The following NHLH1 variants were observed in gnomAD, a reference collection of about 807,000 sequenced individuals.
NHLH1 encodes helix-loop-helix protein 1.
A neutral mutation model predicts 6.7 loss-of-function variants in NHLH1; 3 were observed. That is an observed-to-expected ratio of 0.44 (90% CI 0.20 to 1.15). NHLH1 has a LOEUF of 1.15. NHLH1 is among the 50% of genes most tolerant of loss of function. The pLI, the probability that NHLH1 is intolerant of heterozygous loss-of-function variation, is 0.26. For missense variants in NHLH1, 177 were observed against 189.5 expected (o/e 0.93, Z 0.39); for synonymous variants, 92 against 84.2 (o/e 1.09, Z -0.51).
chr1:160,371,209 TC>T lies in NHLH1; in HGVS notation c.*80del. On this transcript the variant is annotated 3_prime_UTR_variant, in exon 2 of 2. Transcript: ENST00000302101. ...CTCACTGCTTAGAAAGGCCGCATCC[TC>T]CCCGAGCCCTTATACCTTGGCATGG... is the stretch of plus-strand genomic sequence containing the variant. 1 of 1,522,002 alleles carries T rather than the reference TC, an allele frequency of 6.6e-7. No individual in the cohort carries two copies. The highest frequency in any genetic ancestry group is 1.4e-5 in the African/African-American group (1 of 71,140). The allele number at this position is 1,522,002 out of a possible 1,614,324, so 94.3% of individuals were successfully genotyped here. A position where few individuals can be genotyped will look rare whatever the true frequency, so the allele number is the denominator to read the frequency against.
chr1:160,371,890 G>GAA lies in NHLH1; in HGVS notation c.*767_*768dup, dbSNP rs112378041. ...TTCTCCCTCCCTGTGTGTCACTAGA[G>GAA]AAAAAAAAAAACAAAAACCTAGATT... On this transcript the variant is annotated 3_prime_UTR_variant, in exon 2 of 2. Coordinates refer to ENST00000302101, the MANE Select transcript of NHLH1 (RefSeq NM_005598.4). The GAA allele has an allele frequency of 1.2e-4, 18 of 152,388 alleles. No individual in the cohort carries two copies. The highest frequency in any genetic ancestry group is 1.0e-4 in the African/African-American group (4 of 38,700). The allele number at this position is 152,388 out of a possible 1,614,324, so 9.4% of individuals were successfully genotyped here.
In NHLH1 at chr1:160,370,581, G is replaced by C; in HGVS notation, c.-151G>C. On this transcript the variant is annotated 5_prime_UTR_variant, in exon 2 of 2. An upstream start codon of the reference 5' UTR is lost. Transcript: ENST00000302101. ...GGCTTCAGACTGGCACCCTGACCAT[G>C]GAACCCTGAAGTGGCAGTGACTTCT... 1.5e-6 allele frequency: 1 copy of C among 677,540 alleles called. No homozygotes were observed. Among genetic ancestry groups the C allele is most frequent in the Non-Finnish European group, 2.5e-6 (1 of 397,462 alleles). The allele number at this position is 677,540 out of a possible 1,614,324, so 42.0% of individuals were successfully genotyped here. A position where few individuals can be genotyped will look rare whatever the true frequency, so the allele number is the denominator to read the frequency against.
chr1:160,369,830 A>C (rs930678317), intron 1 of NHLH1, among the ~76,000 whole-genome samples: 1 of 152,202 alleles, frequency 6.6e-6, no homozygotes, highest in African/African-American at 2.4e-5. Flanking sequence ...ATTTTGTTAC[A>C]TGCATAGATT....
chr1:160,370,098 G>A (rs539049270), intron 1 of NHLH1, among the ~76,000 whole-genome samples: 29 of 152,050 alleles, frequency 1.9e-4, no homozygotes, highest in African/African-American at 6.0e-4. Context: ...GATTATGTTC[G>A]TCAATAAATT....
Position 160,370,843 on chromosome 1 carries a change from G to C in NHLH1, c.112G>C (p.Gly38Arg). Residue 38 changes from glycine (G) to arginine (R), a missense_variant, in exon 2 of 2, where the codon GGG becomes CGG. Physicochemically the swap from Gly to Arg is moderately radical, Grantham distance 125. Coordinates refer to ENST00000302101, the MANE Select transcript of NHLH1 (RefSeq NM_005598.4). ...GGCGGGCCCTGATGGTGCCGGGCCT[G>C]GGGGTCCGGGAGGGGGCCAGGCCCG... ...GGAGPDGAGPGGPGGGQARGP... is the reference protein window; with the variant it reads ...GGAGPDGAGPRGPGGGQARGP... 3.1e-6 allele frequency: 5 copies of C among 1,607,084 alleles called. No homozygotes were observed. The highest frequency in any genetic ancestry group is 4.2e-6 in the Non-Finnish European group (5 of 1,177,422).
At position 160,370,855 on chromosome 1, in the gene NHLH1, G is replaced by T. The variant is rs764417015; in HGVS notation, c.124G>T (p.Gly42Trp). ...PDGAGPGGPG[G>W]GQARGPEPGE... ...TGGTGCCGGGCCTGGGGGTCCGGGA[G>T]GGGGCCAGGCCCGAGGCCCAGAGCC... is the stretch of plus-strand genomic sequence containing the variant. Residue 42 changes from glycine to tryptophan, a missense_variant, in exon 2 of 2, where the codon GGG becomes TGG. Transcript: ENST00000302101. 2 of 1,606,418 alleles carry T rather than the reference G, an allele frequency of 1.2e-6. No individual in the cohort carries two copies. The highest frequency in any genetic ancestry group is 2.2e-5 in the South Asian group (2 of 90,554).
intron 1 of NHLH1, among the ~76,000 whole-genome samples, chr1:160,369,728 A>G (rs1158256053): frequency 1.3e-5 from 2 of 152,234 alleles, no homozygotes; most frequent in Admixed American, 6.5e-5. Flanking sequence ...GGCCATTTGT[A>G]TAAAATCTTT....
At chr1:160,368,432 C>T (rs895375695) in intron 1 of NHLH1, among the ~76,000 whole-genome samples, 2 of 152,158 alleles carry the variant, frequency 1.3e-5, no homozygotes, top group African/African-American at 2.4e-5. Flanking sequence ...CTCTGCAGGC[C>T]GTGTCTGAAC....
Position 160,369,957 on chromosome 1 carries a change from A to G in NHLH1, c.-175-600A>G, listed in dbSNP as rs1306536210. ...CAATCCCTCCTTTGCCCATTTTTAAATTGGGTTATTTGATTTTTTGCTGTT... is the reference window on the plus strand; with the variant it reads ...CAATCCCTCCTTTGCCCATTTTTAAGTTGGGTTATTTGATTTTTTGCTGTT... On this transcript the variant is annotated intron_variant, in intron 1 of 1. Transcript: ENST00000302101. Among the ~76,000 whole-genome samples the G allele has an allele frequency of 4.6e-5, 7 of 151,986 alleles. No homozygotes were observed. The South Asian group carries it at 1.5e-3, about 32-fold the overall frequency.
intron 1 of NHLH1, among the ~76,000 whole-genome samples, chr1:160,369,185 G>A (rs1467359529): frequency 6.6e-6 from 1 of 152,146 alleles, no homozygotes; most frequent in Non-Finnish European, 1.5e-5. Context: ...CATATAAGTG[G>A]AGCTATACAG....
Position 160,371,297 on chromosome 1 carries a change from T to A in NHLH1, c.*164T>A. The A allele has an allele frequency of 8.7e-7, 1 of 1,147,360 alleles. No individual in the cohort carries two copies. The highest frequency in any genetic ancestry group is 1.8e-5 in the South Asian group (1 of 55,630). 71.1% of individuals were successfully genotyped at this position (1,147,360 alleles called of 1,614,324 possible). On this transcript the variant is annotated 3_prime_UTR_variant, in exon 2 of 2. Coordinates refer to ENST00000302101, the MANE Select transcript of NHLH1 (RefSeq NM_005598.4). ...CGGCTGGTCATGAGGGCCTCTTCCTTTCTCTGACCCAGGCACCTCGAGGGC... is the reference window on the plus strand; with the variant it reads ...CGGCTGGTCATGAGGGCCTCTTCCTATCTCTGACCCAGGCACCTCGAGGGC...
Position 160,370,903 on chromosome 1 carries a change from C to A in NHLH1, c.172C>A (p.Leu58Met). The change falls in exon 2 of 2, where the codon CTG becomes ATG. Residue 58 changes from leucine (L) to methionine (M), a missense_variant. Coordinates refer to ENST00000302101, the MANE Select transcript of NHLH1 (RefSeq NM_005598.4). ...GCCGGGAGAGCCTGGCCGGAAAGAC[C>A]TGCAGCATCTGAGCCGCGAGGAGCG... The part of the protein sequence containing the change: ...PEPGEPGRKD[L>M]QHLSREERRR... 6.2e-7 allele frequency: 1 copy of A among 1,607,812 alleles called. No individual in the cohort carries two copies. Among genetic ancestry groups the A allele is most frequent in the Admixed American group, 1.7e-5 (1 of 59,126 alleles).
chr1:160,370,991 G>A lies in NHLH1; in HGVS notation c.260G>A (p.Arg87His). ...RTAHATRERI[R>H]VEAFNLAFAE... ...GCCCACGCCACGCGAGAACGCATCC[G>A]CGTGGAAGCCTTCAACCTGGCCTTC... Residue 87 changes from arginine (R) to histidine (H), a missense_variant, in exon 2 of 2, where the codon CGC (arginine) becomes CAC (histidine). Physicochemically the swap from Arg to His is conservative, Grantham distance 29. Coordinates refer to ENST00000302101, the MANE Select transcript of NHLH1 (RefSeq NM_005598.4). The A allele has an allele frequency of 6.2e-7, 1 of 1,613,902 alleles. No homozygotes were observed. The highest frequency in any genetic ancestry group is 8.5e-7 in the Non-Finnish European group (1 of 1,179,914).
intron 1 of NHLH1, among the ~76,000 whole-genome samples, chr1:160,369,680 A>G (rs1027669775): frequency 1.3e-5 from 2 of 152,150 alleles, no homozygotes; most frequent in Non-Finnish European, 2.9e-5. Context: ...TTGCATTTTA[A>G]TGATTAGTGA....
At chr1:160,369,084 AAAC>A (rs1649562057) in intron 1 of NHLH1, among the ~76,000 whole-genome samples, 2 of 152,194 alleles carry the variant, frequency 1.3e-5, no homozygotes, top group South Asian at 4.1e-4. Context: ...TATACCCACT[AAAC>A]AACAACTCCC....
intron 1 of NHLH1, among the ~76,000 whole-genome samples, chr1:160,369,924 G>T (rs11265377): frequency 0.013 from 1,958 of 151,956 alleles, 45 homozygotes; most frequent in African/African-American, 0.044. Context: ...CTCATTTCAC[G>T]CCCCTCCCAA....
Position 160,371,001 on chromosome 1 carries a change from C to T in NHLH1, c.270C>T (p.Ala90=). 1 of 1,614,080 alleles carries T rather than the reference C, an allele frequency of 6.2e-7. No individual in the cohort carries two copies. The highest frequency in any genetic ancestry group is 8.5e-7 in the Non-Finnish European group (1 of 1,179,980). Residue 90 remains alanine (A), a synonymous_variant, in exon 2 of 2, where the codon GCC becomes GCT. Transcript: ENST00000302101. The part of the protein sequence containing the change: ...HATRERIRVE[A]FNLAFAELRK... ...CGCGAGAACGCATCCGCGTGGAAGC[C>T]TTCAACCTGGCCTTCGCCGAGCTGC...
At position 160,371,170 on chromosome 1, in the gene NHLH1, G is replaced by A. The variant is rs774915798; in HGVS notation, c.*37G>A. ...CTCCCACCTCCCGGGCCTCTCTGGG[G>A]CCCCTTTCCACCGCTCACTGCTTAG... On this transcript the variant is annotated 3_prime_UTR_variant, in exon 2 of 2. Transcript: ENST00000302101. 11 of 1,565,590 alleles carry A rather than the reference G, an allele frequency of 7.0e-6. No individual in the cohort carries two copies. The South Asian group carries it at 1.3e-4, about 19-fold the overall frequency.
chr1:160,369,159 A>G (rs1198558215), intron 1 of NHLH1, among the ~76,000 whole-genome samples: 2 of 152,156 alleles, frequency 1.3e-5, no homozygotes, highest in African/African-American at 2.4e-5. Context: ...TATGAATTAG[A>G]CTACTTTAAA....
Sources: gnomAD v4.1 joint callset for allele counts (sites outside exome capture counted in the v4.1 genomes callset) on GRCh38, gnomAD v4.1.1 for gene constraint, MANE v1.5 for transcripts, NCBI Gene and HGNC (gene_info 2026-07-23, HGNC 2026-07-21) for gene names.